The following MCC variants were observed in gnomAD, a reference collection of about 807,000 sequenced individuals.
MCC encodes the protein MCC regulator of Wnt signaling pathway, also known as colorectal mutant cancer protein.
A neutral mutation model predicts 116.2 loss-of-function variants in MCC; 90 were observed. The ratio of observed to expected loss-of-function variants is 0.77; its 90% CI spans 0.65 to 0.92. The LOEUF is 0.92. MCC is among the 40% of genes least tolerant of loss of function. The pLI, the probability that MCC is intolerant of heterozygous loss-of-function variation, is 0.00. For missense variants in MCC, 1,516 were observed against 1,312.2 expected (o/e 1.16, Z -2.40); for synonymous variants, 578 against 510.5 (o/e 1.13, Z -1.78).
intron 1 of MCC, among the ~76,000 whole-genome samples, chr5:113,465,200 A>AG (rs1580411135): frequency 7.1e-6 from 1 of 140,972 alleles, no homozygotes; most frequent in South Asian, 2.2e-4. Context: ...AGGTAGATCA[A>AG]GAAAAAAAAA....
chr5:113,049,757 A>G lies in MCC; in HGVS notation c.2449-458T>C, dbSNP rs114041950. Among the ~76,000 whole-genome samples the G allele has an allele frequency of 7.7e-3, 1,172 of 152,224 alleles. 9 individuals carry two copies. The highest frequency in any genetic ancestry group is 0.014 in the Middle Eastern group (4 of 292). ...TCCCATTTTGGTTTCCATGGCACCA[A>G]CCACATGTTTAATCACACCCACGGC... On this transcript the variant is annotated intron_variant, in intron 15 of 18. Coordinates refer to ENST00000408903, the MANE Select transcript of MCC (RefSeq NM_001085377.2).
intron 2 of MCC, among the ~76,000 whole-genome samples, chr5:113,383,338 GA>G (rs917855196): frequency 1.3e-5 from 2 of 152,108 alleles, no homozygotes; most frequent in African/African-American, 4.8e-5. Context: ...CAGCTTAGCA[GA>G]AAAAATTCCT....
intron 1 of MCC, among the ~76,000 whole-genome samples, chr5:113,443,336 T>C (rs192328961): frequency 6.6e-6 from 1 of 152,336 alleles, no homozygotes; most frequent in African/African-American, 2.4e-5. Flanking sequence ...GCGATTTTTG[T>C]ACACTGATTT....
intron 3 of MCC, among the ~76,000 whole-genome samples, chr5:113,306,821 T>A (rs572734816): frequency 6.6e-6 from 1 of 152,200 alleles, no homozygotes; most frequent in African/African-American, 2.4e-5. Context: ...TTTACTCCTA[T>A]TGTTTTCCTC....
chr5:113,404,878 T>C (rs1254840510), intron 1 of MCC, among the ~76,000 whole-genome samples: 2 of 151,908 alleles, frequency 1.3e-5, no homozygotes, highest in African/African-American at 4.8e-5. Flanking sequence ...AAAGTAGTAG[T>C]AAAATATGTA....
intron 6 of MCC, among the ~76,000 whole-genome samples, chr5:113,120,685 G>A (rs1336523208): frequency 6.6e-6 from 1 of 152,166 alleles, no homozygotes; most frequent in Admixed American, 6.5e-5. Context: ...GGAATTTAGT[G>A]GGAGAATCAG....
At chr5:113,222,064 GT>G (rs1438535025) in intron 3 of MCC, among the ~76,000 whole-genome samples, 2 of 152,188 alleles carry the variant, frequency 1.3e-5, no homozygotes, top group African/African-American at 4.8e-5. Context: ...GCTTTCTGGT[GT>G]CAGGTTGAGA....
In MCC at chr5:113,053,740, C is replaced by G; in HGVS notation, c.2433G>C (p.Glu811Asp). The G allele has an allele frequency of 6.2e-7, 1 of 1,608,178 alleles. No individual in the cohort carries two copies. The highest frequency in any genetic ancestry group is 8.5e-7 in the Non-Finnish European group (1 of 1,174,950). The change falls in exon 15 of 19, where the codon GAG becomes GAC. Residue 811 changes from glutamate to aspartate, a missense_variant. Glu to Asp is a conservative substitution (Grantham distance 45). Transcript: ENST00000408903. The stretch of plus-strand genomic sequence containing the variant: ...CACCACATACCTTCATGGCCATGAG[C>G]TCCTGCATAAGCACTGCGTTTTCCA... Reference protein sequence around the residue: ...LDLENAVLMQELMAMKEEMAE... With the variant: ...LDLENAVLMQDLMAMKEEMAE...
chr5:113,084,225 C>T (rs761848547), intron 9 of MCC, 35 bp from the exon 10 acceptor site: 2 of 1,488,806 alleles, frequency 1.3e-6, no homozygotes, highest in South Asian at 1.1e-5. Flanking sequence ...TAGAAAACTA[C>T]ACACCACTCC....
At chr5:113,411,547 A>C (rs1346861417) in intron 1 of MCC, among the ~76,000 whole-genome samples, 2 of 148,806 alleles carry the variant, frequency 1.3e-5, no homozygotes, top group Non-Finnish European at 3.0e-5. Flanking sequence ...ATTCTCTCTA[A>C]GTTTCAGGAG....
intron 1 of MCC, chr5:113,435,653 A>C (rs1770833660): frequency 1.3e-5 from 2 of 152,538 alleles, no homozygotes; most frequent in South Asian, 2.1e-4. Flanking sequence ...ACGCAGTTTG[A>C]GATGCCTGGA....
chr5:113,062,675 G>GA (rs149993223), intron 14 of MCC, among the ~76,000 whole-genome samples: 1,954 of 152,306 alleles, frequency 0.013, 35 homozygotes, highest in African/African-American at 0.045. Context: ...ATGGTTTTAT[G>GA]AAAAAAATTA....
intron 14 of MCC, among the ~76,000 whole-genome samples, chr5:113,060,722 T>C (rs989435262): frequency 2.6e-5 from 4 of 152,220 alleles, no homozygotes; most frequent in Non-Finnish European, 2.9e-5. Flanking sequence ...CTTGTTCTCA[T>C]AGAACCTAAA....
At chr5:113,214,419 C>T (rs1581261138) in intron 3 of MCC, among the ~76,000 whole-genome samples, 1 of 152,200 alleles carries the variant, frequency 6.6e-6, no homozygotes, top group Admixed American at 6.5e-5. Context: ...CGCTCCTATA[C>T]TGGGTGCCAT....
intron 1 of MCC, among the ~76,000 whole-genome samples, chr5:113,422,072 G>A (rs1262214536): frequency 6.6e-6 from 1 of 152,204 alleles, no homozygotes; most frequent in Non-Finnish European, 1.5e-5. Context: ...TAAAATTATA[G>A]TTAATTCAGT....
chr5:113,410,631 T>C (rs1017573071), intron 1 of MCC, among the ~76,000 whole-genome samples: 1 of 152,224 alleles, frequency 6.6e-6, no homozygotes, highest in Non-Finnish European at 1.5e-5. Flanking sequence ...TAAATTATAC[T>C]TTAAGTTATG....
intron 1 of MCC, among the ~76,000 whole-genome samples, chr5:113,455,213 G>A (rs1261888122): frequency 6.6e-6 from 1 of 152,124 alleles, no homozygotes; most frequent in African/African-American, 2.4e-5. Context: ...CCATCACTCG[G>A]CTCAGCTGAT....
intron 3 of MCC, among the ~76,000 whole-genome samples, chr5:113,267,160 C>T (rs1354721698): frequency 6.6e-6 from 1 of 152,148 alleles, no homozygotes; most frequent in Non-Finnish European, 1.5e-5. Flanking sequence ...TTCCTATCGT[C>T]CCTGTAGCAG....
chr5:113,224,631 C>CA (rs1213288227), intron 3 of MCC, among the ~76,000 whole-genome samples: 1 of 152,020 alleles, frequency 6.6e-6, no homozygotes, highest in African/African-American at 2.4e-5. Context: ...GTGTAAATTC[C>CA]AAAAGTATCA....
Sources: gnomAD v4.1 joint callset for allele counts (sites outside exome capture counted in the v4.1 genomes callset) on GRCh38, gnomAD v4.1.1 for gene constraint, MANE v1.5 for transcripts, NCBI Gene and HGNC (gene_info 2026-07-23, HGNC 2026-07-21) for gene names.